The following TTN variants were observed in gnomAD, a reference collection of about 807,000 sequenced individuals.
TTN encodes the protein connectin.
In TTN, 1,525 loss-of-function variants were observed where a neutral mutation model predicts 3,223.0. That is an observed-to-expected ratio of 0.47 (90% CI 0.45 to 0.49). The LOEUF is 0.49. Ranked by LOEUF, TTN falls within the 20% of genes least tolerant of loss-of-function variation. The pLI is 0.00. For synonymous variants in TTN, 14,094 were observed against 15,161.0 expected (o/e 0.93, Z 5.17); for missense variants, 40,786 against 43,424.0 (o/e 0.94, Z 5.40).
chr2:178,735,424 G>C, intron 50 of TTN, 87 bp downstream of exon 50: 1 of 1,243,388 alleles, frequency 8.0e-7, no homozygotes, highest in Non-Finnish European at 1.1e-6. Context: ...ATAACAAAGT[G>C]TACTGACTGA....
chr2:178,699,888 C>T (rs944149217), intron 111 of TTN, among the ~76,000 whole-genome samples: 12 of 149,778 alleles, frequency 8.0e-5, no homozygotes, highest in African/African-American at 7.4e-5. Flanking sequence ...CCACCACGCC[C>T]GGCTAATTTT....
Position 178,776,476 on chromosome 2 carries a change from A to G in TTN, c.5388T>C (p.Asp1796=), listed in dbSNP as rs72647878. 634 of 1,607,906 alleles carry G rather than the reference A, an allele frequency of 3.9e-4. 2 individuals are homozygous for G. In the African/African-American group the frequency reaches 7.5e-3, roughly 19 times the overall value. ...DHTSATLIVK[D]EKSLVEESQL... Reference sequence around the variant, plus strand: ...GGGATTCTTCCACAAGACTTTTCTCATCTTTAACAATAAGGGTAGCAGATG... The same window carrying G: ...GGGATTCTTCCACAAGACTTTTCTCGTCTTTAACAATAAGGGTAGCAGATG... Residue 1796 remains aspartate, a synonymous_variant, in exon 28 of 363, where the codon GAT becomes GAC. Coordinates refer to ENST00000589042, the MANE Select transcript of TTN (RefSeq NM_001267550.2).
chr2:178,624,267 G>C (rs2058707709), intron 242 of TTN, among the ~76,000 whole-genome samples, 198 bp downstream of exon 242: 1 of 151,914 alleles, frequency 6.6e-6, no homozygotes, highest in African/African-American at 2.4e-5. Context: ...TCATTAATCA[G>C]ACCAGACATA....
At position 178,582,573 on chromosome 2, in the gene TTN, T is replaced by G. The variant is rs757234856; in HGVS notation, c.65883A>C (p.Ala21961=). 16 of 1,609,486 alleles carry G rather than the reference T, an allele frequency of 9.9e-6. No homozygotes were observed. In the South Asian group the frequency reaches 1.1e-4, roughly 11 times the overall value. ...AATACATTTTGTTGATTTTAACAGA[T>G]GCTGGAGGACCCGGTTTATCTGAAG... ...LKVLDKPGPP[A]SVKINKMYSD... Residue 21961 remains alanine, a synonymous_variant, in exon 314 of 363, where the codon GCA becomes GCC. Transcript: ENST00000589042.
rs764780077 is a variant in TTN, at chr2:178,688,751, T to A, written c.32123A>T (p.Glu10708Val). 1 of 1,613,292 alleles carries A rather than the reference T, an allele frequency of 6.2e-7. No homozygotes were observed. The highest frequency in any genetic ancestry group is 8.5e-7 in the Non-Finnish European group (1 of 1,179,332). Residue 10708 changes from glutamate (E) to valine (V), a missense_variant, in exon 126 of 363, where the codon GAA becomes GTA. Coordinates refer to ENST00000589042, the MANE Select transcript of TTN (RefSeq NM_001267550.2). The part of the protein sequence containing the change: ...RAEVSKKTVV[E>V]EKRFVAEEKL... The stretch of plus-strand genomic sequence containing the variant: ...TTCTTCAGCAACAAATCTCTTTTCT[T>A]CTACAACAGTTTTCTTAGAGACTTC...
At chr2:178,726,894 A>G (rs1198691961) in intron 69 of TTN, 196 bp downstream of exon 69, 1 of 451,630 alleles carries the variant, frequency 2.2e-6, no homozygotes, top group Non-Finnish European at 3.6e-6. Context: ...AATAACAAAA[A>G]TATTTCATAA....
At chr2:178,675,206 T>A in intron 149 of TTN, 93 bp from the exon 150 acceptor site, 1 of 736,790 alleles carries the variant, frequency 1.4e-6, no homozygotes, top group Non-Finnish European at 2.2e-6. Context: ...AGAGAGTAAA[T>A]ATCACAAGGC....
At position 178,587,163 on chromosome 2, in the gene TTN, C is replaced by T. The variant is rs772377673; in HGVS notation, c.64048G>A (p.Val21350Ile). 15 of 1,613,218 alleles carry T rather than the reference C, an allele frequency of 9.3e-6. No homozygotes were observed. Among genetic ancestry groups the T allele is most frequent in the East Asian group, 4.5e-5 (2 of 44,804 alleles). The change falls in exon 307 of 363, where the codon GTC (valine) becomes ATC (isoleucine). Residue 21350 changes from valine to isoleucine, a missense_variant. Transcript: ENST00000589042. ...ACTGGTTTTGGGACATCTGTTGGGA[C>T]GCCAGGGCCATATTCGTTGACAGCA... Reference protein sequence around the residue: ...VTAVNEYGPGVPTDVPKPVLA... With the variant: ...VTAVNEYGPGIPTDVPKPVLA...
At position 178,636,755 on chromosome 2, in the gene TTN, T is replaced by G; in HGVS notation, c.40972A>C (p.Lys13658Gln). Residue 13658 changes from lysine (K) to glutamine (Q), a missense_variant, in exon 225 of 363, where the codon AAG becomes CAG. Coordinates refer to ENST00000589042, the MANE Select transcript of TTN (RefSeq NM_001267550.2). This position sits in a 1 kb window ranked among gnomAD's most constrained non-coding sequence, Gnocchi z 4.3. ...TCTCCACCACTTCCTGGCCTTAACT[T>G]TCTCCTTTCGGCTTCTATTGGTGAA... ...TPSPIEAERR[K>Q]LRPGSGGEKP... is the part of the protein sequence containing the mutation. 1.2e-6 allele frequency: 2 copies of G among 1,609,148 alleles called. No individual in the cohort carries two copies. Among genetic ancestry groups the G allele is most frequent in the Non-Finnish European group, 1.7e-6 (2 of 1,176,684 alleles).
In TTN at chr2:178,568,641, A is replaced by T; in HGVS notation, c.77491T>A (p.Trp25831Arg). Residue 25831 changes from tryptophan (W) to arginine (R), a missense_variant, in exon 326 of 363, where the codon TGG becomes AGG. By Grantham distance (101) the Trp-to-Arg change is moderately radical (BLOSUM62 -3). Transcript: ENST00000589042. ...TTCAGTGGGAGACCATCTTTAGTCC[A>T]GGTAATGGTTGGCTTAGGACGTCCA... ...ISGRPKPTITWTKDGLPLKQT... is the reference protein window; with the variant it reads ...ISGRPKPTITRTKDGLPLKQT... The T allele has an allele frequency of 5.0e-6, 8 of 1,613,388 alleles. No individual in the cohort carries two copies. Among genetic ancestry groups the T allele is most frequent in the Non-Finnish European group, 6.8e-6 (8 of 1,179,548 alleles).
Position 178,721,867 on chromosome 2 carries a change from G to A in TTN, c.22796C>T (p.Ser7599Leu). 6.2e-7 allele frequency: 1 copy of A among 1,611,606 alleles called. No individual in the cohort carries two copies. The highest frequency in any genetic ancestry group is 1.7e-5 in the Admixed American group (1 of 59,912). The change falls in exon 78 of 363, where the codon TCA becomes TTA. Residue 7599 changes from serine (S) to leucine (L), a missense_variant. Transcript: ENST00000589042. The part of the protein sequence containing the change: ...ATNDVGKDMC[S>L]AQLSVKEPPK... ...GATACCTTTTACACTGAGCTGAGCTGAGCACATGTCTTTGCCAACATCATT... is the reference window on the plus strand; with the variant it reads ...GATACCTTTTACACTGAGCTGAGCTAAGCACATGTCTTTGCCAACATCATT...
Position 178,679,662 on chromosome 2 carries a change from G to T in TTN, c.33601C>A (p.Pro11201Thr), listed in dbSNP as rs769195017. ...PVKVPEVPRKPVPEEKKPVPV... is the reference protein window; with the variant it reads ...PVKVPEVPRKTVPEEKKPVPV... ...ACAGGTTTCTTCTCTTCTGGAACAG[G>T]TTTCCTGGGTACCTCAGGCACTTTA... The change falls in exon 141 of 363, where the codon CCT becomes ACT. Residue 11201 changes from proline to threonine, a missense_variant. Physicochemically the swap from Pro to Thr is conservative, Grantham distance 38 (BLOSUM62 -1). Coordinates refer to ENST00000589042, the MANE Select transcript of TTN (RefSeq NM_001267550.2). 22 of 1,610,244 alleles carry T rather than the reference G, an allele frequency of 1.4e-5. No homozygotes were observed. The highest frequency in any genetic ancestry group is 1.9e-5 in the Non-Finnish European group (22 of 1,178,742).
At chr2:178,595,984 CTTTTT>C (rs762808998) in intron 294 of TTN, among the ~76,000 whole-genome samples, 175 bp from the exon 295 acceptor site, 1 of 114,512 alleles carries the variant, frequency 8.7e-6, no homozygotes, top group Non-Finnish European at 1.8e-5. Flanking sequence ...CAGTCAACCA[CTTTTT>C]TTTTTTTTTT....
rs761603739 is a variant in TTN, at chr2:178,647,476, T to A, written c.40058-12A>T. ...AGGCACTTTGGGCACTTTAAAGATA[T>A]GATTTTGTTTACTATTAAGAATTTA... is the stretch of plus-strand genomic sequence containing the variant. On this transcript the variant is annotated splice_polypyrimidine_tract_variant and intron_variant, in intron 213 of 362. Transcript: ENST00000589042. The A allele has an allele frequency of 6.5e-7, 1 of 1,549,070 alleles. No homozygotes were observed. The highest frequency in any genetic ancestry group is 2.4e-5 in the East Asian group (1 of 40,884).
chr2:178,564,930 A>G lies in TTN; in HGVS notation c.81202T>C (p.Tyr27068His). Residue 27068 changes from tyrosine to histidine, a missense_variant, in exon 326 of 363, where the codon TAT (tyrosine) becomes CAT (histidine). By Grantham distance (83) the Tyr-to-His change is moderately conservative. Coordinates refer to ENST00000589042, the MANE Select transcript of TTN (RefSeq NM_001267550.2). Reference sequence around the variant, plus strand: ...GGTGGTCCAGGTTCTTTAAATGGATATTGTACAATAACTGCCTTAGAATCC... The same window carrying G: ...GGTGGTCCAGGTTCTTTAAATGGATGTTGTACAATAACTGCCTTAGAATCC... ...PLDSKAVIVQ[Y>H]PFKEPGPPGT... is the part of the protein sequence containing the mutation. 1 of 1,612,206 alleles carries G rather than the reference A, an allele frequency of 6.2e-7. No individual in the cohort carries two copies. The highest frequency in any genetic ancestry group is 1.3e-5 in the African/African-American group (1 of 74,844).
chr2:178,562,927 A>T lies in TTN; in HGVS notation c.83205T>A (p.Asn27735Lys). ...TSSFTMLVID[N>K]VTRFDSGRYN... ...ACCGACCACTGTCAAATCTGGTAACATTATCAATCACCAACATTGTAAATG... is the reference window on the plus strand; with the variant it reads ...ACCGACCACTGTCAAATCTGGTAACTTTATCAATCACCAACATTGTAAATG... Residue 27735 changes from asparagine (N) to lysine (K), a missense_variant, in exon 326 of 363, where the codon AAT becomes AAA. Coordinates refer to ENST00000589042, the MANE Select transcript of TTN (RefSeq NM_001267550.2). 1 of 1,613,636 alleles carries T rather than the reference A, an allele frequency of 6.2e-7. No individual in the cohort carries two copies. The highest frequency in any genetic ancestry group is 8.5e-7 in the Non-Finnish European group (1 of 1,179,742).
chr2:178,778,340 T>A, intron 24 of TTN: 1 of 285,006 alleles, frequency 3.5e-6, no homozygotes, highest in Non-Finnish European at 6.7e-6. Context: ...AGTAAACCAA[T>A]GAATACATTT....
chr2:178,789,918 A>C, intron 12 of TTN, 60 bp downstream of exon 12: 1 of 1,602,992 alleles, frequency 6.2e-7, no homozygotes. Flanking sequence ...ATTGTAGTTA[A>C]TAGTTTACTA....
chr2:178,747,681 G>A, intron 47 of TTN: 2 of 1,612,908 alleles, frequency 1.2e-6, no homozygotes, highest in South Asian at 2.2e-5. Flanking sequence ...AGTAAATATT[G>A]TGTTAGGGAG....
Sources: gnomAD v4.1 joint callset for allele counts (sites outside exome capture counted in the v4.1 genomes callset) on GRCh38, gnomAD v4.1.1 for gene constraint, Gnocchi (gnomAD v3.1) non-coding constraint, MANE v1.5 for transcripts, NCBI Gene and HGNC (gene_info 2026-07-23, HGNC 2026-07-21) for gene names.